TENM3: variants seen among roughly 807,000 people sequenced by gnomAD.
The protein encoded by TENM3 is teneurin-3.
TENM3 carries 63 observed loss-of-function variants against 255.1 expected under a neutral mutation model. The ratio of observed to expected loss-of-function variants is 0.25; its 90% confidence interval spans 0.20 to 0.30. TENM3 has a LOEUF of 0.30. Ranked by LOEUF, TENM3 falls within the 10% of genes least tolerant of loss-of-function variation. The pLI is 1.00. For synonymous variants in TENM3, 1,306 were observed against 1,322.3 expected, an observed-to-expected ratio of 0.99 and a Z score of 0.27; for missense variants, 2,929 against 3,461.1, an observed-to-expected ratio of 0.85 and a Z score of 3.86.
At chr4:182,059,147 A>C in the TENM3 span, among the ~76,000 whole-genome samples, 1 of 152,140 alleles carries the variant, frequency 6.6e-6, no homozygotes. Context: ...ACGAAAACTG[A>C]GAACACAGCT....
the TENM3 span, among the ~76,000 whole-genome samples, chr4:181,807,503 A>G: frequency 1.2e-4 from 18 of 152,028 alleles, no homozygotes; most frequent in Non-Finnish European, 2.1e-4. Context: ...ATAGGCATGC[A>G]CCACCATGCC....
chr4:182,228,979 T>C (rs938105255), intron 1 of TENM3, among the ~76,000 whole-genome samples: 5 of 152,228 alleles, frequency 3.3e-5, no homozygotes, highest in African/African-American at 1.2e-4. Flanking sequence ...ACTGCCAAGC[T>C]ACACCCAGGT....
the TENM3 span, among the ~76,000 whole-genome samples, chr4:181,952,548 G>A: frequency 1.3e-5 from 2 of 152,176 alleles, no homozygotes; most frequent in Admixed American, 1.3e-4. Flanking sequence ...ACCAATATTC[G>A]GAAGGGAAGA....
the TENM3 span, among the ~76,000 whole-genome samples, chr4:181,505,740 T>C: frequency 6.6e-6 from 1 of 152,202 alleles, no homozygotes; most frequent in East Asian, 1.9e-4. Flanking sequence ...AAGAAATCTT[T>C]GCAAAAGATT....
chr4:182,729,575 A>C (rs1198040573), intron 14 of TENM3, among the ~76,000 whole-genome samples: 1 of 152,124 alleles, frequency 6.6e-6, no homozygotes, highest in Non-Finnish European at 1.5e-5. Flanking sequence ...GGAACTGCTG[A>C]CGGCATGGCA....
At chr4:181,865,190 T>C in the TENM3 span, among the ~76,000 whole-genome samples, 2 of 152,220 alleles carry the variant, frequency 1.3e-5, no homozygotes, top group African/African-American at 4.8e-5. Flanking sequence ...CGATTGCCAA[T>C]ACGCTGTTTG....
At chr4:182,183,877 G>A (rs1006017637) in intron 1 of TENM3, among the ~76,000 whole-genome samples, 6 of 152,106 alleles carry the variant, frequency 3.9e-5, no homozygotes, top group African/African-American at 1.4e-4. Context: ...GCAAACATAT[G>A]AGTATTCTCA....
At chr4:182,682,135 G>A in intron 11 of TENM3, 121 bp downstream of exon 11, 5 of 773,786 alleles carry the variant, frequency 6.5e-6, no homozygotes, top group African/African-American at 1.8e-5. Flanking sequence ...GATTCTTTAT[G>A]GAAATAAATA....
At chr4:182,023,157 T>C in the TENM3 span, among the ~76,000 whole-genome samples, 1 of 152,212 alleles carries the variant, frequency 6.6e-6, no homozygotes, top group Admixed American at 6.5e-5. Context: ...ATGAACGTTA[T>C]TCTTGGCTTC....
At chr4:182,440,109 G>A (rs1295328519) in intron 3 of TENM3, among the ~76,000 whole-genome samples, 2 of 123,282 alleles carry the variant, frequency 1.6e-5, no homozygotes, top group African/African-American at 6.1e-5. Context: ...ACTCCTGGTG[G>A]GCACCTTTTT....
the TENM3 span, among the ~76,000 whole-genome samples, chr4:181,484,295 A>G: frequency 6.6e-6 from 1 of 152,098 alleles, no homozygotes; most frequent in African/African-American, 2.4e-5. Flanking sequence ...TAGATAATCA[A>G]ATATTAAAAC....
chr4:181,892,509 G>A, the TENM3 span, among the ~76,000 whole-genome samples: 2 of 152,110 alleles, frequency 1.3e-5, no homozygotes, highest in Non-Finnish European at 2.9e-5. Flanking sequence ...AAATTTGAAA[G>A]TTTCAACCCC....
the TENM3 span, among the ~76,000 whole-genome samples, chr4:181,711,506 A>G: frequency 5.1e-4 from 77 of 152,320 alleles, no homozygotes; most frequent in African/African-American, 1.5e-3. Flanking sequence ...TAGAAACAAA[A>G]CAATCCTATT....
At chr4:182,788,633 A>G (rs759858532) in intron 24 of TENM3, among the ~76,000 whole-genome samples, 1 of 152,208 alleles carries the variant, frequency 6.6e-6, no homozygotes, top group Non-Finnish European at 1.5e-5. Flanking sequence ...ATTTACAGTA[A>G]TGTGGGTTCC....
rs147084575 is a variant in TENM3 at position 182,620,465 on chromosome 4, G to A, written c.750-8186G>A. 2.0e-4 allele frequency among the ~76,000 whole-genome samples: 31 copies of A among 152,264 alleles called. No homozygotes were observed. The East Asian group carries it at 4.6e-3, about 23-fold the overall frequency. On this transcript the variant is annotated intron_variant, in intron 4 of 27. Coordinates refer to ENST00000511685, the MANE Select transcript of TENM3 (RefSeq NM_001080477.4). ...AACCCCAAAACTAACAGAGTCCTGC[G>A]AAATCTGAGACCAAATATTCTCTGC...
the TENM3 span, among the ~76,000 whole-genome samples, chr4:182,025,042 T>C: frequency 1.9e-4 from 15 of 79,520 alleles, no homozygotes; most frequent in Non-Finnish European, 3.4e-4. Context: ...TTTTTTTTTT[T>C]TTTTGAGATG....
At position 182,789,373 on chromosome 4, in the gene TENM3, A is replaced by C. The variant is rs1339382573; in HGVS notation, c.5585A>C (p.Tyr1862Ser). ...TTTGCTGATGGTAAAACATGGAGTT[A>C]CACATATTTAGAAAAGGTATGCCTG... ...RVFADGKTWS[Y>S]TYLEKSMVLL... The change falls in exon 25 of 28, where the codon TAC becomes TCC. Residue 1862 changes from tyrosine to serine, a missense_variant. Physicochemically the swap from Tyr to Ser is moderately radical, Grantham distance 144. Transcript: ENST00000511685. This position sits in a 1 kb window ranked among gnomAD's most constrained non-coding sequence, Gnocchi z 4.4. 6.2e-7 allele frequency: 1 copy of C among 1,611,474 alleles called. No individual in the cohort carries two copies. Among genetic ancestry groups the C allele is most frequent in the Non-Finnish European group, 8.5e-7 (1 of 1,178,096 alleles).
At chr4:181,668,211 T>G in the TENM3 span, among the ~76,000 whole-genome samples, 1 of 152,188 alleles carries the variant, frequency 6.6e-6, no homozygotes, top group Non-Finnish European at 1.5e-5. Flanking sequence ...TGTGTTCAAA[T>G]ATAACGTCCA....
chr4:181,851,497 C>T, the TENM3 span, among the ~76,000 whole-genome samples: 1 of 152,134 alleles, frequency 6.6e-6, no homozygotes, highest in Admixed American at 6.5e-5. Context: ...AAAGATCTCC[C>T]ATCTGTAGGG....
Sources: allele counts gnomAD v4.1 joint callset (sites outside exome capture counted in the v4.1 genomes callset), GRCh38; gene constraint gnomAD v4.1.1; non-coding constraint Gnocchi (gnomAD v3.1); transcripts MANE v1.5; gene names NCBI Gene and HGNC (gene_info 2026-07-23, HGNC 2026-07-21).